NRXN1: variants seen among roughly 807,000 people sequenced by gnomAD.
NRXN1 encodes the protein neurexin-1.
Under a neutral mutation model 150.9 loss-of-function variants are expected in NRXN1, and 39 were observed. The observed-to-expected ratio is 0.26, with a 90% confidence interval of 0.20 to 0.34. The LOEUF (loss-of-function observed/expected upper bound fraction) is 0.34. Among genes scored for constraint, NRXN1 ranks in the 10% least tolerant of loss-of-function variants. The pLI, the probability that NRXN1 is intolerant of heterozygous loss-of-function variation, is 1.00. For missense variants in NRXN1, 1,815 were observed against 1,949.9 expected, an observed-to-expected ratio of 0.93 and a Z score of 1.30; for synonymous variants, 924 against 757.0, an observed-to-expected ratio of 1.22 and a Z score of -3.62.
At position 50,083,639 on chromosome 2, in the gene NRXN1, C is replaced by T. The variant is rs1698312420; in HGVS notation, c.3718+7684G>A. Reference sequence around the variant, plus strand: ...CTGGCTCGGGCAGCCTGCTTTTATTCTCTTATCTGGCCCCACCCACATCCT... The same window carrying T: ...CTGGCTCGGGCAGCCTGCTTTTATTTTCTTATCTGGCCCCACCCACATCCT... On this transcript the variant is annotated intron_variant, in intron 19 of 22. Transcript: ENST00000401669. 8.5e-5 allele frequency among the ~76,000 whole-genome samples: 13 copies of T among 152,282 alleles called. No homozygotes were observed. The South Asian group carries it at 2.5e-3, about 29-fold the overall frequency.
intron 12 of NRXN1, among the ~76,000 whole-genome samples, chr2:50,524,627 A>G (rs1225217540): frequency 6.6e-6 from 1 of 152,050 alleles, no homozygotes; most frequent in Non-Finnish European, 1.5e-5. Context: ...GCATAAGAAA[A>G]CCAAGAAACA....
intron 17 of NRXN1, among the ~76,000 whole-genome samples, chr2:50,254,701 GGTTT>G (rs1455050245): frequency 2.0e-5 from 3 of 151,976 alleles, no homozygotes; most frequent in Non-Finnish European, 4.4e-5. Context: ...ATATAACTTT[GGTTT>G]GTTTGTTTAC....
chr2:50,548,934 T>C (rs974590846), intron 9 of NRXN1, among the ~76,000 whole-genome samples: 3 of 152,100 alleles, frequency 2.0e-5, no homozygotes, highest in African/African-American at 7.2e-5. Context: ...ATAAGGCTTT[T>C]AAAATACTGA....
chr2:50,780,049 T>C (rs887182172), intron 5 of NRXN1, among the ~76,000 whole-genome samples: 2 of 152,200 alleles, frequency 1.3e-5, no homozygotes, highest in African/African-American at 4.8e-5. Context: ...GACTTTTTAA[T>C]GATCTCCATT....
chr2:50,579,182 A>G (rs1671877789), intron 8 of NRXN1, among the ~76,000 whole-genome samples: 1 of 152,230 alleles, frequency 6.6e-6, no homozygotes, highest in South Asian at 2.1e-4. Context: ...TTTAAAGCAG[A>G]GCAAGTGCTT....
chr2:50,622,921 C>T (rs369130433), intron 6 of NRXN1, among the ~76,000 whole-genome samples: 56 of 152,064 alleles, frequency 3.7e-4, no homozygotes, highest in African/African-American at 1.2e-3. Context: ...ACTATTTTTT[C>T]GACTACAAAA....
intron 17 of NRXN1, among the ~76,000 whole-genome samples, chr2:50,303,159 T>C (rs2074317212): frequency 6.6e-6 from 1 of 152,202 alleles, no homozygotes; most frequent in Admixed American, 6.5e-5. Flanking sequence ...TTTCTTCTTT[T>C]AAGCATATAC....
chr2:50,676,452 T>C (rs1210297418), intron 5 of NRXN1, among the ~76,000 whole-genome samples: 2 of 152,194 alleles, frequency 1.3e-5, no homozygotes, highest in South Asian at 2.1e-4. Context: ...ATGTCTGGGA[T>C]TGATTTTCAT....
intron 18 of NRXN1, among the ~76,000 whole-genome samples, chr2:50,096,367 G>T (rs1432210938): frequency 2.0e-5 from 3 of 152,152 alleles, no homozygotes; most frequent in Non-Finnish European, 4.4e-5. Context: ...ACCATCTCAT[G>T]TTTATAGGAT....
chr2:49,934,622 G>A (rs975160130), intron 22 of NRXN1, among the ~76,000 whole-genome samples: 6 of 152,214 alleles, frequency 3.9e-5, no homozygotes, highest in African/African-American at 7.2e-5. Context: ...AGGGAAGTGT[G>A]TCAAGTCTAG....
chr2:50,783,325 T>G (rs1256134311), intron 5 of NRXN1, among the ~76,000 whole-genome samples: 1 of 152,050 alleles, frequency 6.6e-6, no homozygotes. Flanking sequence ...TCAGCCAGCA[T>G]GGGGATTCTG....
chr2:50,320,285 TATATATA>T (rs1558518810), intron 17 of NRXN1, among the ~76,000 whole-genome samples: 763 of 57,672 alleles, frequency 0.013, 35 homozygotes, highest in African/African-American at 0.044. Flanking sequence ...ACCTCAATCA[TATATATA>T]TATATATATA....
At chr2:50,930,523 TCA>T in intron 2 of NRXN1, among the ~76,000 whole-genome samples, 1 of 152,238 alleles carries the variant, frequency 6.6e-6, no homozygotes, top group Admixed American at 6.5e-5. Context: ...ATCGAATGAC[TCA>T]CATAAGCTAT....
chr2:50,768,729 C>T (rs1702644876), intron 5 of NRXN1, among the ~76,000 whole-genome samples: 1 of 151,954 alleles, frequency 6.6e-6, no homozygotes, highest in African/African-American at 2.4e-5. Flanking sequence ...TAGCTGGTTG[C>T]AGCTGGGTCA....
intron 2 of NRXN1, chr2:51,009,226 T>C (rs930953861): frequency 1.3e-5 from 2 of 151,886 alleles, no homozygotes; most frequent in African/African-American, 4.8e-5. Context: ...CATTTCTCTA[T>C]AGATATTCAG....
intron 17 of NRXN1, among the ~76,000 whole-genome samples, chr2:50,248,163 G>T (rs2066685427): frequency 6.6e-6 from 1 of 151,926 alleles, no homozygotes; most frequent in Non-Finnish European, 1.5e-5. Context: ...CAGGCACATG[G>T]CCACCATACT....
chr2:50,120,858 G>T (rs1205342390), intron 18 of NRXN1, among the ~76,000 whole-genome samples: 1 of 152,106 alleles, frequency 6.6e-6, no homozygotes, highest in Admixed American at 6.6e-5. Flanking sequence ...GCATTTTAAG[G>T]GAATTTTGAG....
intron 5 of NRXN1, chr2:50,917,647 C>T (rs1685403197): frequency 1.3e-5 from 2 of 151,556 alleles, no homozygotes. Flanking sequence ...CCAGAGAGCT[C>T]TCTTTCTCCC....
At chr2:49,934,837 C>A (rs1040967767) in intron 22 of NRXN1, among the ~76,000 whole-genome samples, 1 of 151,980 alleles carries the variant, frequency 6.6e-6, no homozygotes. Flanking sequence ...TTTTTCCCTC[C>A]AAAAATAAAG....
Sources: gnomAD v4.1 joint callset for allele counts (sites outside exome capture counted in the v4.1 genomes callset) on GRCh38, gnomAD v4.1.1 for gene constraint, MANE v1.5 for transcripts, NCBI Gene and HGNC (gene_info 2026-07-23, HGNC 2026-07-21) for gene names.